FMNL2: variants seen among roughly 807,000 people sequenced by gnomAD.
FMNL2 encodes formin-like protein 2.
In FMNL2, 51 loss-of-function variants were observed where a neutral mutation model predicts 130.2. That is an observed-to-expected ratio of 0.39 (90% confidence interval 0.31 to 0.49). The LOEUF (loss-of-function observed/expected upper bound fraction) is 0.49, where lower values mean the gene tolerates loss of function less well. Ranked by LOEUF, FMNL2 falls within the 20% of genes least tolerant of loss-of-function variation. The pLI is 0.85. For synonymous variants in FMNL2, 465 were observed against 467.1 expected, an observed-to-expected ratio of 1.00 and a Z score of 0.06; for missense variants, 977 against 1,316.2, an observed-to-expected ratio of 0.74 and a Z score of 3.99.
chr2:152,561,800 A>G (rs560831273), intron 6 of FMNL2, among the ~76,000 whole-genome samples: 3 of 151,848 alleles, frequency 2.0e-5, no homozygotes, highest in South Asian at 4.2e-4. Context: ...CTGGTCTCGA[A>G]CTCCTGACCT....
In FMNL2 at chr2:152,553,934, A is replaced by G. The variant is rs144520056; in HGVS notation, c.360-4806A>G. Among the ~76,000 whole-genome samples, 88 of 152,290 alleles carry G rather than the reference A, an allele frequency of 5.8e-4. No individual in the cohort carries two copies. The East Asian group carries it at 0.016, about 27-fold the overall frequency. ...TGTCGTGATCTGTTTTGATTGATGT[A>G]TATGTAGAAAATTGGGTCTTATACA... On this transcript the variant is annotated intron_variant, in intron 4 of 25. Transcript: ENST00000288670.
intron 8 of FMNL2, among the ~76,000 whole-genome samples, chr2:152,580,018 A>T (rs1218083693): frequency 6.6e-6 from 1 of 152,216 alleles, no homozygotes; most frequent in African/African-American, 2.4e-5. Flanking sequence ...TCTTTACTGA[A>T]TATTATTCTT....
intron 1 of FMNL2, among the ~76,000 whole-genome samples, chr2:152,337,286 C>T (rs1327349312): frequency 2.6e-5 from 4 of 152,114 alleles, no homozygotes; most frequent in Non-Finnish European, 5.9e-5. Flanking sequence ...AAACGTTTTT[C>T]TTCAAAACCC....
chr2:152,454,622 A>G (rs1688849001), intron 1 of FMNL2, among the ~76,000 whole-genome samples: 1 of 152,190 alleles, frequency 6.6e-6, no homozygotes, highest in Non-Finnish European at 1.5e-5. Flanking sequence ...TATTTCTGCC[A>G]CCTTCCTGGA....
intron 1 of FMNL2, among the ~76,000 whole-genome samples, chr2:152,478,875 G>A (rs1470723478): frequency 6.6e-6 from 1 of 152,044 alleles, no homozygotes; most frequent in Non-Finnish European, 1.5e-5. Flanking sequence ...TTGTGACCTG[G>A]TGAATTTCAA....
chr2:152,489,306 C>A (rs1209113132), intron 1 of FMNL2, among the ~76,000 whole-genome samples: 2 of 152,234 alleles, frequency 1.3e-5, no homozygotes, highest in African/African-American at 4.8e-5. Context: ...CCATCTGGGG[C>A]TGAGCCTGTC....
Position 152,560,982 on chromosome 2 carries a change from G to GC in FMNL2, c.546dup (p.Ser183LeufsTer19). 1 of 1,606,300 alleles carries GC rather than the reference G, an allele frequency of 6.2e-7. No homozygotes were observed. The highest frequency in any genetic ancestry group is 8.5e-7 in the Non-Finnish European group (1 of 1,176,228). On this transcript the variant is annotated frameshift_variant, in exon 6 of 26. Transcript: ENST00000288670. LOFTEE classifies it high-confidence loss of function. Reference sequence around the variant, plus strand: ...AGGACCTGCACAGAGGGAGCAACCTGCCCTCACCTGTGGGCAACAGTGTCT... The same window carrying GC: ...AGGACCTGCACAGAGGGAGCAACCTGCCCCTCACCTGTGGGCAACAGTGTCT...
chr2:152,575,651 C>A (rs1208953696), intron 7 of FMNL2, among the ~76,000 whole-genome samples: 1 of 152,080 alleles, frequency 6.6e-6, no homozygotes, highest in Admixed American at 6.5e-5. Context: ...TGTTTTCCTC[C>A]TATAGAGATA....
chr2:152,398,194 T>C (rs1040397292), intron 1 of FMNL2, among the ~76,000 whole-genome samples: 1 of 152,184 alleles, frequency 6.6e-6, no homozygotes, highest in African/African-American at 2.4e-5. Context: ...GAAGTATTAT[T>C]CCTTGTTGTA....
In FMNL2 at chr2:152,545,904, A is replaced by G. The variant is rs78300615; in HGVS notation, c.282+3085A>G. On this transcript the variant is annotated intron_variant, in intron 3 of 25. Transcript: ENST00000288670. ...AGCCGTTCCTTAGATAATGTAATAC[A>G]GGAGTAAAGTCAGTTTAGTTTGCCT... Among the ~76,000 whole-genome samples the G allele has an allele frequency of 8.2e-3, 1,254 of 152,340 alleles. 21 individuals carry two copies. The highest frequency in any genetic ancestry group is 0.029 in the African/African-American group (1,200 of 41,568).
Position 152,648,161 on chromosome 2 carries a change from A to T in FMNL2, c.*256A>T. The T allele has an allele frequency of 2.5e-6, 1 of 406,044 alleles. No individual in the cohort carries two copies. The highest frequency in any genetic ancestry group is 4.4e-6 in the Non-Finnish European group (1 of 228,854). 25.2% of individuals were successfully genotyped at this position (406,044 alleles called of 1,614,324 possible). On this transcript the variant is annotated 3_prime_UTR_variant, in exon 26 of 26. Transcript: ENST00000288670. The stretch of plus-strand genomic sequence containing the variant: ...TGATTAGGTATCTTTTTACACCAGT[A>T]TGTTATTTTTAACCAAAATGTAAAG...
rs113478496 is a variant in FMNL2 at position 152,472,496 on chromosome 2, G to A, written c.118-49447G>A. 7.7e-3 allele frequency among the ~76,000 whole-genome samples: 1,174 copies of A among 152,300 alleles called. 9 individuals carry two copies. Among genetic ancestry groups the A allele is most frequent in the African/African-American group, 0.024 (986 of 41,564 alleles). Reference sequence around the variant, plus strand: ...CCAACCTGACCTCAGCTAAAGGGAAGCTACTTACAGTCTTTATCCCAGTTG... The same window carrying A: ...CCAACCTGACCTCAGCTAAAGGGAAACTACTTACAGTCTTTATCCCAGTTG... On this transcript the variant is annotated intron_variant, in intron 1 of 25. Coordinates refer to ENST00000288670, the MANE Select transcript of FMNL2 (RefSeq NM_052905.4).
chr2:152,479,633 ATTAC>A (rs1363608943), intron 1 of FMNL2, among the ~76,000 whole-genome samples: 1 of 152,032 alleles, frequency 6.6e-6, no homozygotes, highest in African/African-American at 2.4e-5. Context: ...GTAAAAAATA[ATTAC>A]TTGGAAAGAA....
At chr2:152,624,922 A>G (rs1242767940) in intron 15 of FMNL2, among the ~76,000 whole-genome samples, 1 of 152,174 alleles carries the variant, frequency 6.6e-6, no homozygotes, top group East Asian at 1.9e-4. Flanking sequence ...GGAATCACCC[A>G]CAGGAAGTCA....
At chr2:152,443,598 T>C (rs75294195) in intron 1 of FMNL2, among the ~76,000 whole-genome samples, 5,623 of 151,916 alleles carry the variant, frequency 0.037, 284 homozygotes, top group African/African-American at 0.11. Flanking sequence ...ATCCTAGCAC[T>C]CTGGGAGGCT....
intron 2 of FMNL2, among the ~76,000 whole-genome samples, chr2:152,541,421 A>T (rs1254861893): frequency 6.6e-6 from 1 of 152,090 alleles, no homozygotes; most frequent in Non-Finnish European, 1.5e-5. Flanking sequence ...GCTGATTTAA[A>T]CTTTTTTTTG....
intron 11 of FMNL2, among the ~76,000 whole-genome samples, chr2:152,612,018 A>C (rs1698709950): frequency 6.6e-6 from 1 of 152,084 alleles, no homozygotes; most frequent in African/African-American, 2.4e-5. Context: ...CAGTGCTTAG[A>C]GCATAAAAAA....
In FMNL2 at chr2:152,371,834, T is replaced by G. The variant is rs545039750; in HGVS notation, c.117+36114T>G. Reference sequence around the variant, plus strand: ...TTTTCTAGGAAGAGGAAGAGAGACATGAGCTAGCAGACTTAGCCCCCTCAC... The same window carrying G: ...TTTTCTAGGAAGAGGAAGAGAGACAGGAGCTAGCAGACTTAGCCCCCTCAC... On this transcript the variant is annotated intron_variant, in intron 1 of 25. Transcript: ENST00000288670. 6.6e-5 allele frequency among the ~76,000 whole-genome samples: 10 copies of G among 152,032 alleles called. No individual in the cohort carries two copies. In the East Asian group the frequency reaches 1.9e-3, roughly 29 times the overall value.
At chr2:152,560,429 T>C (rs1283476940) in intron 5 of FMNL2, among the ~76,000 whole-genome samples, 1 of 152,220 alleles carries the variant, frequency 6.6e-6, no homozygotes, top group African/African-American at 2.4e-5. Context: ...GTATCACATA[T>C]GCTTGGAAAA....
Sources: gnomAD v4.1 joint callset for allele counts (sites outside exome capture counted in the v4.1 genomes callset) on GRCh38, gnomAD v4.1.1 for gene constraint, MANE v1.5 for transcripts, NCBI Gene and HGNC (gene_info 2026-07-23, HGNC 2026-07-21) for gene names.